Variants in DERA observed in about 807,000 individuals in gnomAD.
DERA encodes the protein 2-deoxy-D-ribose 5-phosphate aldolase.
DERA carries 15 observed loss-of-function variants against 41.1 expected under a neutral mutation model. That is an observed-to-expected ratio of 0.37 (90% confidence interval 0.24 to 0.56). The LOEUF (loss-of-function observed/expected upper bound fraction) is 0.56, where lower values mean the gene tolerates loss of function less well. DERA is among the 20% of genes least tolerant of loss of function. The pLI is 0.81. For missense variants in DERA, 396 were observed against 403.4 expected (o/e 0.98, Z 0.16); for synonymous variants, 139 against 137.4 (o/e 1.01, Z -0.08).
rs1948961070 is a variant in DERA, at chr12:16,013,577, C to T, written c.638-18965C>T. Among the ~76,000 whole-genome samples the T allele has an allele frequency of 6.6e-6, 1 of 152,170 alleles. No individual in the cohort carries two copies. Among genetic ancestry groups the T allele is most frequent in the Non-Finnish European group, 1.5e-5 (1 of 68,034 alleles). On this transcript the variant is annotated intron_variant, in intron 6 of 8. Coordinates refer to ENST00000428559, the MANE Select transcript of DERA (RefSeq NM_015954.4). This position sits in a 1 kb window ranked among gnomAD's most constrained non-coding sequence, Gnocchi z 5.8. Reference sequence around the variant, plus strand: ...ACTGTGAGTCAGTTAAACTTCTTTCCTTTATAAATTACCTAGTCTCAGGCA... The same window carrying T: ...ACTGTGAGTCAGTTAAACTTCTTTCTTTTATAAATTACCTAGTCTCAGGCA...
rs144649123 is a variant in DERA at position 15,955,089 on chromosome 12, C to T, written c.32-1847C>T. The stretch of plus-strand genomic sequence containing the variant: ...GCGAGGCAGGTAGATCACTTGAGGT[C>T]GGGAGTTCGATACCAGCCTGGCCAA... On this transcript the variant is annotated intron_variant, in intron 1 of 8. Coordinates refer to ENST00000428559, the MANE Select transcript of DERA (RefSeq NM_015954.4). 3.5e-3 allele frequency among the ~76,000 whole-genome samples: 538 copies of T among 151,928 alleles called. 3 individuals are homozygous for T. Among genetic ancestry groups the T allele is most frequent in the African/African-American group, 0.012 (512 of 41,446 alleles).
intron 1 of DERA, among the ~76,000 whole-genome samples, chr12:15,917,105 A>G (rs1284207931): frequency 6.6e-6 from 1 of 152,196 alleles, no homozygotes; most frequent in African/African-American, 2.4e-5. Context: ...CACAAGTGAG[A>G]AGTGACCTAA....
In DERA at chr12:15,984,784, C is replaced by CT. The variant is rs1948753599; in HGVS notation, c.637+2350dup. ...CATACTTCCTGGCCTATAGTTTATA[C>CT]TTCCTACTCTGTTAAGAAGGTATAT... On this transcript the variant is annotated intron_variant, in intron 6 of 8. Transcript: ENST00000428559. This position sits in a 1 kb window ranked among gnomAD's most constrained non-coding sequence, Gnocchi z 4.5. Among the ~76,000 whole-genome samples, 1 of 152,158 alleles carries CT rather than the reference C, an allele frequency of 6.6e-6. No individual in the cohort carries two copies. The highest frequency in any genetic ancestry group is 1.5e-5 in the Non-Finnish European group (1 of 68,046).
At chr12:15,917,190 C>G (rs1715428147) in intron 1 of DERA, among the ~76,000 whole-genome samples, 2 of 151,956 alleles carry the variant, frequency 1.3e-5, no homozygotes, top group African/African-American at 4.8e-5. Flanking sequence ...TTAAAAAAGT[C>G]AATTCCTAGT....
chr12:15,933,632 A>G (rs576214719), intron 1 of DERA, among the ~76,000 whole-genome samples: 1 of 152,224 alleles, frequency 6.6e-6, no homozygotes, highest in South Asian at 2.1e-4. Context: ...CCATGCAACC[A>G]TATTTTTACT....
intron 1 of DERA, among the ~76,000 whole-genome samples, chr12:15,949,060 G>T (rs1948474702): frequency 1.3e-5 from 2 of 152,194 alleles, no homozygotes; most frequent in African/African-American, 2.4e-5. Flanking sequence ...TCCTCTGGGA[G>T]CTTCGTCTCA....
Position 15,965,822 on chromosome 12 carries a change from T to C in DERA, c.508+2875T>C, listed in dbSNP as rs1208059379. On this transcript the variant is annotated intron_variant, in intron 5 of 8. Transcript: ENST00000428559. The surrounding 1 kb of genome is among the most constrained non-coding windows in gnomAD (Gnocchi z 4.1). ...GTCCTTGCATCAGGGCTGCTTTTCTTTGCTTCTTCCTTTGCTCCTTCCTCC... is the reference window on the plus strand; with the variant it reads ...GTCCTTGCATCAGGGCTGCTTTTCTCTGCTTCTTCCTTTGCTCCTTCCTCC... 1.3e-5 allele frequency among the ~76,000 whole-genome samples: 2 copies of C among 152,144 alleles called. No homozygotes were observed. The highest frequency in any genetic ancestry group is 1.9e-4 in the East Asian group (1 of 5,184).
intron 1 of DERA, among the ~76,000 whole-genome samples, chr12:15,955,014 T>C (rs1263465641): frequency 6.6e-6 from 1 of 151,886 alleles, no homozygotes; most frequent in African/African-American, 2.4e-5. Flanking sequence ...AAAAAGCCTC[T>C]TAGGGCTGGG....
intron 1 of DERA, among the ~76,000 whole-genome samples, chr12:15,946,704 G>GT (rs1217023230): frequency 6.6e-6 from 1 of 152,024 alleles, no homozygotes; most frequent in African/African-American, 2.4e-5. Context: ...TTTTCGAAGG[G>GT]TTTTTTGTGT....
chr12:15,943,932 A>G lies in DERA; in HGVS notation c.32-13004A>G, dbSNP rs1028497226. 5.4e-5 allele frequency among the ~76,000 whole-genome samples: 7 copies of G among 129,476 alleles called. No individual in the cohort carries two copies. The highest frequency in any genetic ancestry group is 4.5e-4 in the Admixed American group (5 of 11,144). 84.9% of individuals were successfully genotyped at this position (129,476 alleles called of 152,430 possible). A position where few individuals can be genotyped will look rare whatever the true frequency, so the allele number is the denominator to read the frequency against. ...TGTGATGTTCCCCTTCCTGTGTCCA[A>G]GTGTTCTCATTGTTCAATTCCCACC... On this transcript the variant is annotated intron_variant, in intron 1 of 8. Transcript: ENST00000428559. This position sits in a 1 kb window ranked among gnomAD's most constrained non-coding sequence, Gnocchi z 4.5.
chr12:16,033,421 A>G (rs1949106145), intron 7 of DERA, among the ~76,000 whole-genome samples: 1 of 152,238 alleles, frequency 6.6e-6, no homozygotes, highest in Non-Finnish European at 1.5e-5. Context: ...GCTTTTCGAA[A>G]AATGATACAT....
rs1405116683 is a variant in DERA, at chr12:16,036,378, G to T, written c.897G>T (p.Arg299Ser). Residue 299 changes from arginine (R) to serine (S), a missense_variant, in exon 8 of 9, where the codon AGG (arginine) becomes AGT (serine). Coordinates refer to ENST00000428559, the MANE Select transcript of DERA (RefSeq NM_015954.4). The surrounding 1 kb of genome is among the most constrained non-coding windows in gnomAD (Gnocchi z 4.9). ...GASTLLSDIE[R>S]QIYHHVTGRY... is the part of the protein sequence containing the mutation. ...GTACTCTGCTCTCGGACATTGAGAGGCAGGTGAGTAATCATCTCTGTCTTT... is the reference window on the plus strand; with the variant it reads ...GTACTCTGCTCTCGGACATTGAGAGTCAGGTGAGTAATCATCTCTGTCTTT... The T allele has an allele frequency of 2.5e-6, 4 of 1,594,754 alleles. No individual in the cohort carries two copies. The highest frequency in any genetic ancestry group is 3.4e-6 in the Non-Finnish European group (4 of 1,173,414).
At position 15,993,776 on chromosome 12, in the gene DERA, C is replaced by T. The variant is rs1004094004; in HGVS notation, c.637+11340C>T. On this transcript the variant is annotated intron_variant, in intron 6 of 8. Coordinates refer to ENST00000428559, the MANE Select transcript of DERA (RefSeq NM_015954.4). This position sits in a 1 kb window ranked among gnomAD's most constrained non-coding sequence, Gnocchi z 4.4. ...TTTTATAAAGTTTACCCCCACCTGG[C>T]CCCTCGCTATCCTTTGTTGAGTGGA... 6.6e-6 allele frequency among the ~76,000 whole-genome samples: 1 copy of T among 152,060 alleles called. No individual in the cohort carries two copies. Among genetic ancestry groups the T allele is most frequent in the African/African-American group, 2.4e-5 (1 of 41,386 alleles).
At position 15,990,546 on chromosome 12, in the gene DERA, C is replaced by T. The variant is rs540854931; in HGVS notation, c.637+8110C>T. Among the ~76,000 whole-genome samples the T allele has an allele frequency of 2.0e-5, 3 of 152,202 alleles. No individual in the cohort carries two copies. The highest frequency in any genetic ancestry group is 3.9e-4 in the East Asian group (2 of 5,182). Reference sequence around the variant, plus strand: ...TTTTGTTGTACAGATTATTTCCTTACCCAGATGTTAATCTGAGTATCCATT... The same window carrying T: ...TTTTGTTGTACAGATTATTTCCTTATCCAGATGTTAATCTGAGTATCCATT... On this transcript the variant is annotated intron_variant, in intron 6 of 8. Transcript: ENST00000428559. The surrounding 1 kb of genome is among the most constrained non-coding windows in gnomAD (Gnocchi z 4.3).
At position 15,937,019 on chromosome 12, in the gene DERA, C is replaced by A. The variant is rs536665208; in HGVS notation, c.32-19917C>A. Reference sequence around the variant, plus strand: ...ATAGTATCTTGCTCTATTGCCCAAGCCAGAGTGCAGTGGCATGAACATGGT... The same window carrying A: ...ATAGTATCTTGCTCTATTGCCCAAGACAGAGTGCAGTGGCATGAACATGGT... On this transcript the variant is annotated intron_variant, in intron 1 of 8. Transcript: ENST00000428559. Among the ~76,000 whole-genome samples the A allele has an allele frequency of 2.0e-5, 3 of 152,176 alleles. No individual in the cohort carries two copies. In the South Asian group the frequency reaches 6.2e-4, roughly 32 times the overall value.
chr12:15,962,447 A>G (rs1258258823), intron 4 of DERA, among the ~76,000 whole-genome samples: 1 of 152,244 alleles, frequency 6.6e-6, no homozygotes, highest in Non-Finnish European at 1.5e-5. Flanking sequence ...TGTGCTAGAT[A>G]ACTAGTGTTC....
At position 15,911,885 on chromosome 12, in the gene DERA, T is replaced by A; in HGVS notation, c.31+471T>A. The stretch of plus-strand genomic sequence containing the variant: ...GCTCGTGGAAAAGTTGTCAGCCGTC[T>A]GTGCTCAAAATGTAACACTGCAGAT... On this transcript the variant is annotated intron_variant, in intron 1 of 8. Transcript: ENST00000428559. The surrounding 1 kb of genome is among the most constrained non-coding windows in gnomAD (Gnocchi z 4.5). 1 of 420,224 alleles carries A rather than the reference T, an allele frequency of 2.4e-6. No individual in the cohort carries two copies. The highest frequency in any genetic ancestry group is 2.8e-5 in the Admixed American group (1 of 36,354). 26.0% of individuals were successfully genotyped at this position (420,224 alleles called of 1,614,324 possible).
chr12:16,023,824 A>G (rs1007993955), intron 6 of DERA, among the ~76,000 whole-genome samples: 2 of 152,218 alleles, frequency 1.3e-5, no homozygotes, highest in Non-Finnish European at 2.9e-5. Flanking sequence ...AGATTCAGAT[A>G]TGGCATAGAT....
At chr12:15,987,055 C>G (rs142169296) in intron 6 of DERA, among the ~76,000 whole-genome samples, 2 of 152,160 alleles carry the variant, frequency 1.3e-5, no homozygotes, top group East Asian at 3.9e-4. Flanking sequence ...TTATCTTACT[C>G]TAGCTATGGT....
Sources: allele counts gnomAD v4.1 joint callset (sites outside exome capture counted in the v4.1 genomes callset), GRCh38; gene constraint gnomAD v4.1.1; non-coding constraint Gnocchi (gnomAD v3.1); transcripts MANE v1.5; gene names NCBI Gene and HGNC (gene_info 2026-07-23, HGNC 2026-07-21).